TBC1D22A: variants seen among roughly 807,000 people sequenced by gnomAD.
TBC1D22A encodes the protein putative GTPase activator.
A neutral mutation model predicts 60.2 loss-of-function variants in TBC1D22A; 38 were observed. That is an observed-to-expected ratio of 0.63 (90% CI 0.49 to 0.83). TBC1D22A has a LOEUF of 0.83. Among genes scored for constraint, TBC1D22A ranks in the 40% least tolerant of loss-of-function variants. The probability of loss-of-function intolerance (pLI) is 0.00; values close to 1 mark genes in which losing one functional copy is unlikely to be tolerated. For missense variants in TBC1D22A, 628 were observed against 701.0 expected (o/e 0.90, Z 1.18); for synonymous variants, 302 against 281.7 (o/e 1.07, Z -0.72).
intron 8 of TBC1D22A, among the ~76,000 whole-genome samples, chr22:46,930,074 A>G (rs1277224922): frequency 6.6e-6 from 1 of 152,070 alleles, no homozygotes; most frequent in Non-Finnish European, 1.5e-5. Context: ...TGGAACCTGT[A>G]TATTGTCATA....
intron 12 of TBC1D22A, among the ~76,000 whole-genome samples, chr22:47,156,349 G>A (rs1776652087): frequency 6.6e-6 from 1 of 152,196 alleles, no homozygotes; most frequent in African/African-American, 2.4e-5. Context: ...CGAGAGACAG[G>A]GTTGTATGGT....
At chr22:47,169,441 C>T (rs374789382) in intron 12 of TBC1D22A, among the ~76,000 whole-genome samples, 87 of 152,326 alleles carry the variant, frequency 5.7e-4, no homozygotes, top group African/African-American at 2.0e-3. Flanking sequence ...GGGGCCAGGA[C>T]AATGGGGCAT....
At chr22:46,778,540 G>A (rs896099891) in intron 1 of TBC1D22A, among the ~76,000 whole-genome samples, 4 of 152,048 alleles carry the variant, frequency 2.6e-5, no homozygotes, top group African/African-American at 9.7e-5. Flanking sequence ...GGGACCGTCA[G>A]TGCCACTGGC....
chr22:47,113,528 GC>G (rs890434325), intron 12 of TBC1D22A, among the ~76,000 whole-genome samples: 1 of 152,180 alleles, frequency 6.6e-6, no homozygotes, highest in Non-Finnish European at 1.5e-5. Flanking sequence ...ATCACCCTGG[GC>G]CCCACTCTGG....
At chr22:46,798,145 G>GT (rs2146938542) in intron 4 of TBC1D22A, among the ~76,000 whole-genome samples, 2 of 152,344 alleles carry the variant, frequency 1.3e-5, no homozygotes, top group Non-Finnish European at 2.9e-5. Context: ...ACAAAGCACT[G>GT]GGCTTAAGGC....
chr22:46,884,975 G>A (rs2068038879), intron 5 of TBC1D22A, among the ~76,000 whole-genome samples: 1 of 152,216 alleles, frequency 6.6e-6, no homozygotes, highest in Non-Finnish European at 1.5e-5. Context: ...GGGCTTTTAT[G>A]CTGGGCATGA....
At chr22:46,867,302 C>T (rs1268022483) in intron 4 of TBC1D22A, among the ~76,000 whole-genome samples, 1 of 152,208 alleles carries the variant, frequency 6.6e-6, no homozygotes, top group Non-Finnish European at 1.5e-5. Context: ...ACAAAACAAA[C>T]AGCTGTGCAT....
intron 11 of TBC1D22A, among the ~76,000 whole-genome samples, chr22:47,051,442 G>A (rs547044838): frequency 1.2e-4 from 18 of 152,266 alleles, no homozygotes; most frequent in East Asian, 5.8e-4. Context: ...GTCCTCAGCC[G>A]TGCTCTCTGG....
chr22:47,037,315 C>A, intron 11 of TBC1D22A, 117 bp downstream of exon 11: 3 of 1,396,356 alleles, frequency 2.1e-6, no homozygotes, highest in Non-Finnish European at 1.9e-6. Context: ...GCGCTCTCTC[C>A]ATTGAAATGC....
At chr22:46,913,423 C>T in intron 8 of TBC1D22A, 1 of 1,365,954 alleles carries the variant, frequency 7.3e-7, no homozygotes, top group Non-Finnish European at 9.8e-7. Flanking sequence ...ACAGATTATC[C>T]TCAGAAGATG....
chr22:47,149,121 T>C (rs116686338), intron 12 of TBC1D22A, among the ~76,000 whole-genome samples: 3,990 of 152,222 alleles, frequency 0.026, 122 homozygotes, highest in African/African-American at 0.077. Flanking sequence ...GTGCCCGTTG[T>C]TGGTCCAGTC....
chr22:46,829,539 A>G (rs918688335), intron 4 of TBC1D22A, among the ~76,000 whole-genome samples: 21 of 152,202 alleles, frequency 1.4e-4, no homozygotes, highest in Non-Finnish European at 5.9e-5. Context: ...TCTGCTTCAC[A>G]TTGCTGCCAA....
chr22:46,903,709 C>T (rs568367868), intron 7 of TBC1D22A, among the ~76,000 whole-genome samples: 132 of 152,316 alleles, frequency 8.7e-4, no homozygotes, highest in African/African-American at 3.0e-3. Context: ...TATTTCCTCT[C>T]GGCTGGGCCG....
At chr22:46,836,434 A>G (rs369056191) in intron 4 of TBC1D22A, among the ~76,000 whole-genome samples, 2 of 152,202 alleles carry the variant, frequency 1.3e-5, no homozygotes, top group East Asian at 3.8e-4. Flanking sequence ...ATTTTGTAAC[A>G]CTATTCTAAG....
At chr22:47,155,052 C>G (rs1002510882) in intron 12 of TBC1D22A, among the ~76,000 whole-genome samples, 1 of 152,272 alleles carries the variant, frequency 6.6e-6, no homozygotes, top group East Asian at 1.9e-4. Flanking sequence ...CTGAAAAAGA[C>G]GAAGGGCTGC....
chr22:46,868,486 A>T (rs1231886048), intron 4 of TBC1D22A, among the ~76,000 whole-genome samples: 2 of 152,146 alleles, frequency 1.3e-5, no homozygotes, highest in Admixed American at 6.5e-5. Flanking sequence ...AAAACCCAGA[A>T]TTCGAACACT....
chr22:46,968,120 C>T lies in TBC1D22A; in HGVS notation c.1016-6170C>T, dbSNP rs111261791. On this transcript the variant is annotated intron_variant, in intron 8 of 12. Transcript: ENST00000337137. ...TGACAGGAGAGGCACCCACGCACTG[C>T]GTGGCATGGCTGCGGGGTTGTTGTA... Among the ~76,000 whole-genome samples, 462 of 152,326 alleles carry T rather than the reference C, an allele frequency of 3.0e-3. 2 individuals are homozygous for T. The highest frequency in any genetic ancestry group is 0.01 in the African/African-American group (434 of 41,572).
intron 11 of TBC1D22A, among the ~76,000 whole-genome samples, chr22:47,042,021 C>T (rs530315534): frequency 1.7e-4 from 26 of 152,346 alleles, no homozygotes; most frequent in Non-Finnish European, 3.2e-4. Flanking sequence ...GGTGTTTTGT[C>T]CACTGTGTGC....
intron 10 of TBC1D22A, among the ~76,000 whole-genome samples, chr22:47,020,880 A>T (rs1569346388): frequency 6.6e-6 from 1 of 152,206 alleles, no homozygotes; most frequent in Non-Finnish European, 1.5e-5. Flanking sequence ...TGTAATTATT[A>T]TATAAGACTC....
Sources: gnomAD v4.1 joint callset for allele counts (sites outside exome capture counted in the v4.1 genomes callset) on GRCh38, gnomAD v4.1.1 for gene constraint, MANE v1.5 for transcripts, NCBI Gene and HGNC (gene_info 2026-07-23, HGNC 2026-07-21) for gene names.